Variants in MTUS2 observed in about 807,000 individuals in gnomAD.
The protein encoded by MTUS2 is microtubule-associated tumor suppressor candidate 2.
A neutral mutation model predicts 114.1 loss-of-function variants in MTUS2; 40 were observed. The observed-to-expected ratio is 0.35, with a 90% CI of 0.27 to 0.46. The LOEUF (loss-of-function observed/expected upper bound fraction) is 0.46. Ranked by LOEUF, MTUS2 falls within the 20% of genes least tolerant of loss-of-function variation. The pLI, the probability that MTUS2 is intolerant of heterozygous loss-of-function variation, is 1.00. For missense variants in MTUS2, 1,679 were observed against 1,705.4 expected, an observed-to-expected ratio of 0.98 and a Z score of 0.27; for synonymous variants, 688 against 672.0, an observed-to-expected ratio of 1.02 and a Z score of -0.37.
At chr13:29,263,162 CTT>C (rs377703211) in intron 5 of MTUS2, among the ~76,000 whole-genome samples, 2 of 152,294 alleles carry the variant, frequency 1.3e-5, no homozygotes, top group African/African-American at 4.8e-5. Context: ...CTGTTAAAGA[CTT>C]TGCTTTCAAA....
intron 5 of MTUS2, among the ~76,000 whole-genome samples, chr13:29,220,547 G>A (rs1895867123): frequency 6.6e-6 from 1 of 152,124 alleles, no homozygotes; most frequent in African/African-American, 2.4e-5. Context: ...TGGGGAATAG[G>A]GAGTCCCAAG....
intron 8 of MTUS2, among the ~76,000 whole-genome samples, chr13:29,397,253 C>G (rs1873974454): frequency 6.6e-6 from 1 of 152,236 alleles, no homozygotes; most frequent in Non-Finnish European, 1.5e-5. Flanking sequence ...TGCCCTACAA[C>G]AGATCCTCTA....
intron 6 of MTUS2, among the ~76,000 whole-genome samples, chr13:29,303,361 T>C (rs1346642792): frequency 5.9e-5 from 9 of 152,162 alleles, no homozygotes; most frequent in Admixed American, 5.2e-4. Flanking sequence ...TTAGCTGAGC[T>C]AAAGGAGCAT....
intron 12 of MTUS2, among the ~76,000 whole-genome samples, chr13:29,493,545 G>A (rs947442386): frequency 2.0e-5 from 3 of 152,134 alleles, no homozygotes; most frequent in African/African-American, 7.2e-5. Context: ...TTCTTCGATG[G>A]CTCACTTTCC....
At chr13:29,235,305 C>G (rs1349200727) in intron 5 of MTUS2, among the ~76,000 whole-genome samples, 1 of 152,090 alleles carries the variant, frequency 6.6e-6, no homozygotes, top group Non-Finnish European at 1.5e-5. Context: ...GTTGGTCAGG[C>G]TAATCTCGAT....
At chr13:29,197,637 A>G (rs1473719884) in intron 5 of MTUS2, among the ~76,000 whole-genome samples, 3 of 152,164 alleles carry the variant, frequency 2.0e-5, no homozygotes, top group Non-Finnish European at 4.4e-5. Context: ...GAATCACCAC[A>G]CTGTTCCACA....
intron 4 of MTUS2, among the ~76,000 whole-genome samples, chr13:29,041,379 G>A (rs1887348658): frequency 6.6e-6 from 1 of 152,174 alleles, no homozygotes; most frequent in South Asian, 2.1e-4. Flanking sequence ...GTCAGGTAAT[G>A]TGATGCCTCC....
chr13:28,903,271 CTAT>C (rs1193742835), intron 2 of MTUS2, among the ~76,000 whole-genome samples: 1 of 150,614 alleles, frequency 6.6e-6, no homozygotes, highest in Non-Finnish European at 1.5e-5. Context: ...TTTTATTTTA[CTAT>C]TATTATGCTT....
intron 2 of MTUS2, among the ~76,000 whole-genome samples, chr13:28,920,320 G>A (rs1479799128): frequency 1.3e-5 from 2 of 152,216 alleles, no homozygotes; most frequent in Non-Finnish European, 2.9e-5. Flanking sequence ...CAGACACATA[G>A]AGGTGCTGCC....
intron 5 of MTUS2, among the ~76,000 whole-genome samples, chr13:29,221,723 T>C (rs1258129963): frequency 6.6e-6 from 1 of 152,132 alleles, no homozygotes; most frequent in Non-Finnish European, 1.5e-5. Flanking sequence ...TTGTGTTCTT[T>C]TTGTTTCTTT....
At chr13:29,360,117 A>C (rs139001722) in intron 8 of MTUS2, among the ~76,000 whole-genome samples, 1 of 152,242 alleles carries the variant, frequency 6.6e-6, no homozygotes, top group Non-Finnish European at 1.5e-5. Context: ...CCCAGGGAAC[A>C]GAGGTGGGAG....
chr13:29,046,171 T>G (rs1887608427), intron 4 of MTUS2, among the ~76,000 whole-genome samples: 1 of 151,188 alleles, frequency 6.6e-6, no homozygotes, highest in East Asian at 1.9e-4. Context: ...TGGAGTGCAG[T>G]GCGTGATGTC....
At position 29,492,720 on chromosome 13, in the gene MTUS2, G is replaced by T. The variant is rs1882275813; in HGVS notation, c.3579+1G>T. 1 of 1,611,212 alleles carries T rather than the reference G, an allele frequency of 6.2e-7. No homozygotes were observed. Among genetic ancestry groups the T allele is most frequent in the Non-Finnish European group, 8.5e-7 (1 of 1,177,530 alleles). ...TGAAAAACTGCGGCTGTCATTGCAG[G>T]TTAGTATTTCTTTAATTTTCTTACC... On this transcript the variant is annotated splice_donor_variant, in intron 12 of 15. Transcript: ENST00000612955. LOFTEE classifies it high-confidence loss of function.
chr13:29,036,308 C>G (rs926944894), intron 4 of MTUS2, among the ~76,000 whole-genome samples: 1 of 152,182 alleles, frequency 6.6e-6, no homozygotes, highest in African/African-American at 2.4e-5. Context: ...ATTCAGAAAG[C>G]TGTGGCGAAG....
chr13:29,429,513 G>A (rs960264606), intron 8 of MTUS2, among the ~76,000 whole-genome samples: 1 of 152,186 alleles, frequency 6.6e-6, no homozygotes, highest in African/African-American at 2.4e-5. Flanking sequence ...TTCACAGCCA[G>A]GGAACTGAAA....
At chr13:29,260,493 C>T (rs878870590) in intron 5 of MTUS2, among the ~76,000 whole-genome samples, 11 of 152,170 alleles carry the variant, frequency 7.2e-5, no homozygotes, top group African/African-American at 1.9e-4. Flanking sequence ...TATATCCTAT[C>T]GCTCAATGTC....
At chr13:29,334,668 A>G (rs1169944990) in intron 7 of MTUS2, among the ~76,000 whole-genome samples, 1 of 151,994 alleles carries the variant, frequency 6.6e-6, no homozygotes, top group African/African-American at 2.4e-5. Context: ...TGAATCTGCT[A>G]ATTATGTGTC....
intron 2 of MTUS2, among the ~76,000 whole-genome samples, chr13:28,904,893 A>G (rs1434294454): frequency 6.6e-6 from 1 of 151,740 alleles, no homozygotes; most frequent in Non-Finnish European, 1.5e-5. Context: ...TGAGCATGGA[A>G]TGTTCTTCCA....
At chr13:29,423,536 C>T (rs1049231093) in intron 8 of MTUS2, among the ~76,000 whole-genome samples, 3 of 152,218 alleles carry the variant, frequency 2.0e-5, no homozygotes, top group African/African-American at 7.2e-5. Flanking sequence ...AAAGGGGATA[C>T]ACTGAGCATC....
Sources: allele counts gnomAD v4.1 joint callset (sites outside exome capture counted in the v4.1 genomes callset), GRCh38; gene constraint gnomAD v4.1.1; transcripts MANE v1.5; gene names NCBI Gene and HGNC (gene_info 2026-07-23, HGNC 2026-07-21).